Variants in ATP2C2 observed in about 807,000 individuals in gnomAD.
ATP2C2 encodes ATPase secretory pathway Ca2+ transporting 2.
ATP2C2 carries 171 observed loss-of-function variants against 110.8 expected under a neutral mutation model. The ratio of observed to expected loss-of-function variants is 1.54; its 90% confidence interval spans 1.36 to 1.75. The LOEUF is 1.75. Ranked by LOEUF, ATP2C2 falls within the 40% of genes most tolerant of loss-of-function variation. The pLI, the probability that ATP2C2 is intolerant of heterozygous loss-of-function variation, is 0.00. For synonymous variants in ATP2C2, 804 were observed against 508.4 expected, an observed-to-expected ratio of 1.58 and a Z score of -7.82; for missense variants, 1,963 against 1,235.0, an observed-to-expected ratio of 1.59 and a Z score of -8.84.
In ATP2C2 at chr16:84,461,706, C is replaced by T. The variant is rs1484114789; in HGVS notation, c.2482-8C>T. On this transcript the variant is annotated splice_polypyrimidine_tract_variant and splice_region_variant and intron_variant, in intron 24 of 26. Transcript: ENST00000262429. ...GCCTAACCTCTCACCTTTGTGCTCA[C>T]CTTCCAGATGCCTGAAGACAGAGCA... The T allele has an allele frequency of 6.2e-7, 1 of 1,612,904 alleles. No homozygotes were observed. The highest frequency in any genetic ancestry group is 2.2e-5 in the East Asian group (1 of 44,896).
intron 15 of ATP2C2, among the ~76,000 whole-genome samples, chr16:84,443,461 G>A (rs1909454414): frequency 6.6e-6 from 1 of 152,180 alleles, no homozygotes; most frequent in Non-Finnish European, 1.5e-5. Flanking sequence ...CAAGGGAAAA[G>A]CCCGACTCAG....
In ATP2C2 at chr16:84,459,313, A is replaced by G. The variant is rs376292409; in HGVS notation, c.2260A>G (p.Asn754Asp). Reference protein sequence around the residue: ...LSLITLSTVFNLPSPLNAMQI... With the variant: ...LSLITLSTVFDLPSPLNAMQI... The stretch of plus-strand genomic sequence containing the variant: ...TCTCATCACTCTGTCCACCGTGTTC[A>G]ACCTGCCCAGCCCCCTCAACGCCAT... Residue 754 changes from asparagine (N) to aspartate (D), a missense_variant, in exon 23 of 27, where the codon AAC becomes GAC. Physicochemically the swap from Asn to Asp is conservative, Grantham distance 23. Coordinates refer to ENST00000262429, the MANE Select transcript of ATP2C2 (RefSeq NM_014861.4). 1.6e-4 allele frequency: 251 copies of G among 1,614,170 alleles called. 2 individuals carry two copies. The highest frequency in any genetic ancestry group is 1.2e-3 in the Middle Eastern group (7 of 6,062).
chr16:84,437,404 T>TA (rs1301075831), intron 11 of ATP2C2, among the ~76,000 whole-genome samples: 2 of 151,886 alleles, frequency 1.3e-5, no homozygotes, highest in African/African-American at 4.8e-5. Flanking sequence ...TTTGTAGAAA[T>TA]AAAAAAATGT....
intron 1 of ATP2C2, among the ~76,000 whole-genome samples, chr16:84,387,715 C>G (rs1029588572): frequency 6.6e-6 from 1 of 152,162 alleles, no homozygotes; most frequent in Non-Finnish European, 1.5e-5. Context: ...AAGAATAAGA[C>G]TTTGCTGGGT....
chr16:84,388,289 C>T (rs1293425108), intron 1 of ATP2C2, among the ~76,000 whole-genome samples: 1 of 151,992 alleles, frequency 6.6e-6, no homozygotes, highest in Non-Finnish European at 1.5e-5. Context: ...CACGCCACTG[C>T]ACTGCAGCCT....
chr16:84,462,381 C>T lies in ATP2C2; in HGVS notation c.2722+252C>T, dbSNP rs188271869. 9.0e-4 allele frequency: 386 copies of T among 431,246 alleles called. 2 individuals are homozygous for T. The highest frequency in any genetic ancestry group is 1.2e-3 in the Non-Finnish European group (300 of 243,728). 26.7% of individuals were successfully genotyped at this position (431,246 alleles called of 1,614,324 possible). ...AGTAGGGTCTGGGGCCCAAGGGGCA[C>T]CGGCATCCCAGGCGTCGGGCTGGAG... On this transcript the variant is annotated intron_variant, in intron 26 of 26. Coordinates refer to ENST00000262429, the MANE Select transcript of ATP2C2 (RefSeq NM_014861.4).
At chr16:84,417,322 G>C (rs547679572) in intron 7 of ATP2C2, among the ~76,000 whole-genome samples, 1 of 152,118 alleles carries the variant, frequency 6.6e-6, no homozygotes. Flanking sequence ...GCGTGACTCG[G>C]GGAAGGAATT....
chr16:84,437,577 G>A (rs1172882506), intron 11 of ATP2C2, among the ~76,000 whole-genome samples: 4 of 152,062 alleles, frequency 2.6e-5, no homozygotes, highest in African/African-American at 4.8e-5. Flanking sequence ...GCGCAGTGGC[G>A]CAGTCTCGGT....
intron 18 of ATP2C2, 145 bp from the exon 19 acceptor site, chr16:84,452,993 C>A (rs1176422388): frequency 1.2e-5 from 9 of 759,038 alleles, no homozygotes; most frequent in Non-Finnish European, 1.9e-5. Flanking sequence ...TGGATAGAAC[C>A]GAGGCCGTGC....
chr16:84,455,073 G>A, intron 21 of ATP2C2, 89 bp downstream of exon 21: 1 of 1,521,340 alleles, frequency 6.6e-7, no homozygotes, highest in South Asian at 1.2e-5. Context: ...GAGATAGAGG[G>A]GGGGGTCTCG....
chr16:84,459,986 C>G (rs1171788664), intron 23 of ATP2C2: 1 of 246,298 alleles, frequency 4.1e-6, no homozygotes, highest in Non-Finnish European at 8.1e-6. Flanking sequence ...AGTCAGGGGA[C>G]CCATCTGGCC....
At chr16:84,372,311 G>C (rs1909999639) in intron 1 of ATP2C2, among the ~76,000 whole-genome samples, 2 of 152,172 alleles carry the variant, frequency 1.3e-5, no homozygotes, top group South Asian at 2.1e-4. Flanking sequence ...GTATGTGTGT[G>C]GGAATTCTGA....
At chr16:84,376,695 G>A (rs578172691) in intron 1 of ATP2C2, among the ~76,000 whole-genome samples, 3 of 152,328 alleles carry the variant, frequency 2.0e-5, no homozygotes, top group African/African-American at 7.2e-5. Flanking sequence ...GACAGTCATG[G>A]CCGCTGGGTG....
chr16:84,448,562 G>C lies in ATP2C2; in HGVS notation c.1533G>C (p.Gly511=). 1 of 1,613,092 alleles carries C rather than the reference G, an allele frequency of 6.2e-7. No individual in the cohort carries two copies. The highest frequency in any genetic ancestry group is 8.5e-7 in the Non-Finnish European group (1 of 1,179,360). ...EDQEDIYFMK[G]ALEEVIRYCT... ...AGGAAGACATTTACTTCATGAAAGG[G>C]GCCTTGGAAGAGGTGATCCGCTACT... Residue 511 remains glycine (G), a synonymous_variant, in exon 17 of 27, where the codon GGG becomes GGC. Coordinates refer to ENST00000262429, the MANE Select transcript of ATP2C2 (RefSeq NM_014861.4).
intron 2 of ATP2C2, among the ~76,000 whole-genome samples, chr16:84,400,365 C>T (rs57057427): frequency 0.026 from 3,745 of 144,134 alleles, 133 homozygotes; most frequent in African/African-American, 0.086. Context: ...CTCACTCTGT[C>T]ACCCAAGCTG....
At chr16:84,408,604 A>T (rs934659346) in intron 4 of ATP2C2, 110 bp downstream of exon 4, 1 of 795,284 alleles carries the variant, frequency 1.3e-6, no homozygotes, top group Admixed American at 2.6e-5. Flanking sequence ...GGGGGGAAAA[A>T]GGAGCATACA....
At chr16:84,386,108 A>G (rs1318710042) in intron 1 of ATP2C2, among the ~76,000 whole-genome samples, 1 of 152,182 alleles carries the variant, frequency 6.6e-6, no homozygotes, top group African/African-American at 2.4e-5. Context: ...TTCATTTTGT[A>G]CTTTCTGTAC....
At chr16:84,401,222 C>CTTTTTT (rs55635029) in intron 2 of ATP2C2, among the ~76,000 whole-genome samples, 4 of 121,556 alleles carry the variant, frequency 3.3e-5, no homozygotes, top group Non-Finnish European at 4.9e-5. Context: ...AGTCTTTAAT[C>CTTTTTT]TTTTTTTTTT....
At chr16:84,458,495 TAAAAAA>T (rs10534660) in intron 21 of ATP2C2, among the ~76,000 whole-genome samples, 1 of 141,920 alleles carries the variant, frequency 7.0e-6, no homozygotes, top group African/African-American at 2.6e-5. Context: ...TAGAGTATAA[TAAAAAA>T]AAAAAAATTT....
Sources: allele counts gnomAD v4.1 joint callset (sites outside exome capture counted in the v4.1 genomes callset), GRCh38; gene constraint gnomAD v4.1.1; transcripts MANE v1.5; gene names NCBI Gene and HGNC (gene_info 2026-07-23, HGNC 2026-07-21).